Variants in DENND1A observed in about 807,000 individuals in gnomAD.
The protein encoded by DENND1A is DENN domain-containing protein 1A.
Under a neutral mutation model 113.7 loss-of-function variants are expected in DENND1A, and 51 were observed. The ratio of observed to expected loss-of-function variants is 0.45; its 90% CI spans 0.36 to 0.57. DENND1A has a LOEUF of 0.57. Among genes scored for constraint, DENND1A ranks in the 20% least tolerant of loss-of-function variants. The probability of loss-of-function intolerance (pLI) is 0.00; values close to 1 mark genes in which losing one functional copy is unlikely to be tolerated. For missense variants in DENND1A, 1,258 were observed against 1,395.9 expected (o/e 0.90, Z 1.57); for synonymous variants, 565 against 570.8 (o/e 0.99, Z 0.14).
chr9:123,706,149 T>C (rs1048094830), intron 5 of DENND1A, among the ~76,000 whole-genome samples: 2 of 149,694 alleles, frequency 1.3e-5, no homozygotes, highest in East Asian at 1.9e-4. Context: ...TTTTTTCTTT[T>C]TTTTTTTTTT....
intron 2 of DENND1A, among the ~76,000 whole-genome samples, chr9:123,846,225 C>G (rs902862785): frequency 6.6e-6 from 1 of 152,144 alleles, no homozygotes; most frequent in East Asian, 1.9e-4. Flanking sequence ...GAAACTGGAA[C>G]CTTACACATT....
intron 13 of DENND1A, chr9:123,492,085 C>T (rs1439765012): frequency 5.3e-5 from 8 of 152,202 alleles, no homozygotes; most frequent in African/African-American, 1.9e-4. Flanking sequence ...GCTTCCTTGC[C>T]CTCCCCAGAT....
chr9:123,773,970 C>T lies in DENND1A; in HGVS notation c.133-4407G>A, dbSNP rs76248108. ...AGCCTCTTTGTGGCTTGCTGAAAGC[C>T]GATATAGCAGTTGATAATTTACCTT... On this transcript the variant is annotated intron_variant, in intron 3 of 23. Transcript: ENST00000394215. Among the ~76,000 whole-genome samples, 643 of 151,958 alleles carry T rather than the reference C, an allele frequency of 4.2e-3. 2 individuals carry two copies. Among genetic ancestry groups the T allele is most frequent in the African/African-American group, 0.015 (606 of 41,442 alleles).
At chr9:123,452,467 G>GA (rs2047796711) in intron 16 of DENND1A, 120 bp from the exon 17 acceptor site, 1 of 787,992 alleles carries the variant, frequency 1.3e-6, no homozygotes, top group South Asian at 1.6e-5. Context: ...TGCACATCGA[G>GA]AAATAGGCCT....
intron 13 of DENND1A, among the ~76,000 whole-genome samples, chr9:123,481,215 G>A (rs1171426094): frequency 1.3e-5 from 2 of 152,242 alleles, no homozygotes; most frequent in African/African-American, 4.8e-5. Context: ...AGAATCTGCA[G>A]AGGCCGACTC....
intron 5 of DENND1A, among the ~76,000 whole-genome samples, chr9:123,704,696 A>C (rs956709072): frequency 7.2e-5 from 11 of 152,196 alleles, no homozygotes; most frequent in African/African-American, 2.7e-4. Context: ...TGTTTAATGC[A>C]TGTAAAAAAC....
intron 10 of DENND1A, among the ~76,000 whole-genome samples, chr9:123,616,619 G>A (rs1432966977): frequency 2.0e-5 from 3 of 152,188 alleles, no homozygotes; most frequent in Admixed American, 6.5e-5. Context: ...ATTTCATGCT[G>A]GGACACCTGC....
chr9:123,583,231 T>G lies in DENND1A; in HGVS notation c.805A>C (p.Asn269His). The G allele has an allele frequency of 6.2e-7, 1 of 1,612,526 alleles. No homozygotes were observed. Among genetic ancestry groups the G allele is most frequent in the Non-Finnish European group, 8.5e-7 (1 of 1,179,264 alleles). The change falls in exon 12 of 24, where the codon AAT (asparagine) becomes CAT (histidine). Residue 269 changes from asparagine to histidine, a missense_variant. This residue lies in a region of DENND1A where 1,159 missense variants were observed against 1,231.7 expected (regional missense o/e 0.94). Coordinates refer to ENST00000394215, the MANE Select transcript of DENND1A (RefSeq NM_001352964.2). ...GTTTCCAGGGTGTTGGTGTCCACAT[T>G]CAGGATCACGACATCATCCAGGGCC... ...NMALDDVVIL[N>H]VDTNTLETPF...
intron 9 of DENND1A, among the ~76,000 whole-genome samples, chr9:123,631,651 G>A (rs1356265744): frequency 6.6e-6 from 1 of 152,198 alleles, no homozygotes; most frequent in East Asian, 1.9e-4. Context: ...TTTAAGGACT[G>A]AGGTGAGAAT....
At chr9:123,762,449 AGTT>A (rs1377766703) in intron 4 of DENND1A, among the ~76,000 whole-genome samples, 1 of 152,236 alleles carries the variant, frequency 6.6e-6, no homozygotes, top group Non-Finnish European at 1.5e-5. Flanking sequence ...TTAATCTTGA[AGTT>A]GTTTACAGGG....
chr9:123,525,577 C>A (rs570662951), intron 13 of DENND1A, among the ~76,000 whole-genome samples: 3 of 152,056 alleles, frequency 2.0e-5, no homozygotes, highest in Admixed American at 6.5e-5. Flanking sequence ...TGAACAATAC[C>A]GGCTGGCACT....
chr9:123,747,543 A>T (rs2069619496), intron 5 of DENND1A, among the ~76,000 whole-genome samples: 1 of 152,188 alleles, frequency 6.6e-6, no homozygotes, highest in East Asian at 1.9e-4. Flanking sequence ...TCACTGGTAG[A>T]TTCAAGTCCA....
At chr9:123,440,560 A>G in intron 18 of DENND1A, 69 bp from the exon 19 acceptor site, 1 of 1,482,180 alleles carries the variant, frequency 6.7e-7, no homozygotes, top group Admixed American at 2.7e-5. Context: ...TCACCCCACA[A>G]CGAAGAGGCC....
intron 1 of DENND1A, among the ~76,000 whole-genome samples, chr9:123,885,469 T>C (rs1848932761): frequency 6.6e-6 from 1 of 152,206 alleles, no homozygotes; most frequent in African/African-American, 2.4e-5. Flanking sequence ...CACTAATCAC[T>C]TCTCTTTCTC....
intron 1 of DENND1A, among the ~76,000 whole-genome samples, chr9:123,901,411 G>C (rs1339414434): frequency 6.6e-6 from 1 of 152,082 alleles, no homozygotes; most frequent in African/African-American, 2.4e-5. Flanking sequence ...AATTCATGAA[G>C]TTTCTTTCAT....
intron 2 of DENND1A, among the ~76,000 whole-genome samples, chr9:123,877,380 T>C (rs553570357): frequency 6.6e-6 from 1 of 151,932 alleles, no homozygotes; most frequent in African/African-American, 2.4e-5. Context: ...TCCCAGCTAC[T>C]TGGAAGGCTG....
chr9:123,772,631 T>C (rs1829911727), intron 3 of DENND1A, among the ~76,000 whole-genome samples: 1 of 152,210 alleles, frequency 6.6e-6, no homozygotes, highest in East Asian at 1.9e-4. Context: ...TGGGGAGGAC[T>C]GTGTGCCAGC....
intron 21 of DENND1A, among the ~76,000 whole-genome samples, chr9:123,391,313 G>A (rs2042831382): frequency 6.6e-6 from 1 of 152,198 alleles, no homozygotes; most frequent in Non-Finnish European, 1.5e-5. Flanking sequence ...GTCATCTGAT[G>A]TGGTCAGATC....
At chr9:123,655,314 G>A (rs2062879868) in intron 8 of DENND1A, among the ~76,000 whole-genome samples, 5 of 152,166 alleles carry the variant, frequency 3.3e-5, no homozygotes, top group South Asian at 2.1e-4. Context: ...CTCGGTGCAC[G>A]GAGGAAGCAA....
Sources: allele counts gnomAD v4.1 joint callset (sites outside exome capture counted in the v4.1 genomes callset), GRCh38; gene constraint gnomAD v4.1.1; regional missense constraint gnomAD v4.1.1; transcripts MANE v1.5; gene names NCBI Gene and HGNC (gene_info 2026-07-23, HGNC 2026-07-21).